Variants in SDK1 observed in about 807,000 individuals in gnomAD.
The protein encoded by SDK1 is sidekick cell adhesion molecule 1, also known as protein sidekick-1.
Under a neutral mutation model 245.5 loss-of-function variants are expected in SDK1, and 157 were observed. The observed-to-expected ratio is 0.64, with a 90% confidence interval of 0.56 to 0.73. The LOEUF (loss-of-function observed/expected upper bound fraction) is 0.73, where lower values mean the gene tolerates loss of function less well. SDK1 is among the 30% of genes least tolerant of loss of function. The pLI is 0.00. For missense variants in SDK1, 3,583 were observed against 3,002.3 expected, an observed-to-expected ratio of 1.19 and a Z score of -4.52; for synonymous variants, 1,647 against 1,278.5, an observed-to-expected ratio of 1.29 and a Z score of -6.15.
chr7:4,245,795 C>T lies in SDK1; in HGVS notation c.6371C>T (p.Ser2124Leu). Residue 2124 changes from serine (S) to leucine (L), a missense_variant, in exon 44 of 45, where the codon TCA becomes TTA. By Grantham distance (145) the Ser-to-Leu change is moderately radical. Transcript: ENST00000404826. The stretch of plus-strand genomic sequence containing the variant: ...CTCAAGGAGAAGTCGGCAGATGCAT[C>T]AGAATCTGAGGTCAGTGTCGGTGCC... ...VSLKEKSADASESEATDSDYE... is the reference protein window; with the variant it reads ...VSLKEKSADALESEATDSDYE... The T allele has an allele frequency of 1.2e-6, 2 of 1,613,942 alleles. No homozygotes were observed. The highest frequency in any genetic ancestry group is 1.7e-6 in the Non-Finnish European group (2 of 1,179,958).
intron 1 of SDK1, among the ~76,000 whole-genome samples, chr7:3,305,426 C>T (rs1009118940): frequency 6.6e-6 from 1 of 152,192 alleles, no homozygotes; most frequent in Non-Finnish European, 1.5e-5. Flanking sequence ...GTCTGGGTCA[C>T]TTTTCTCAGG....
At chr7:4,141,796 G>A (rs903833480) in intron 28 of SDK1, among the ~76,000 whole-genome samples, 18 of 152,168 alleles carry the variant, frequency 1.2e-4, no homozygotes, top group East Asian at 1.9e-4. Context: ...TCGCTCAGTC[G>A]CCCAGGCTGG....
intron 17 of SDK1, among the ~76,000 whole-genome samples, chr7:4,035,790 G>T (rs1788164569): frequency 6.6e-6 from 1 of 152,178 alleles, no homozygotes; most frequent in Non-Finnish European, 1.5e-5. Context: ...ATCATTCCAA[G>T]AAGCAAAGAC....
chr7:4,002,426 C>G (rs1264180824), intron 14 of SDK1, among the ~76,000 whole-genome samples: 3 of 152,190 alleles, frequency 2.0e-5, no homozygotes, highest in Admixed American at 2.0e-4. Context: ...GTCATTCCTT[C>G]CACCAAACTA....
chr7:3,434,256 ATTC>A (rs1345337312), intron 1 of SDK1, among the ~76,000 whole-genome samples: 3 of 152,218 alleles, frequency 2.0e-5, no homozygotes, highest in African/African-American at 7.2e-5. Flanking sequence ...ATGTTTTAAA[ATTC>A]TTCTAATGCA....
rs765200053 is a variant in SDK1, at chr7:4,266,176, C to T, written c.*792C>T. 2.6e-4 allele frequency: 260 copies of T among 985,354 alleles called. No homozygotes were observed. The highest frequency in any genetic ancestry group is 2.8e-4 in the Non-Finnish European group (229 of 829,950). 61.0% of individuals were successfully genotyped at this position (985,354 alleles called of 1,614,324 possible). On this transcript the variant is annotated 3_prime_UTR_variant, in exon 45 of 45. Transcript: ENST00000404826. ...CCCGAACACAGCACACGGTCAACTC[C>T]GCGGGACACGAGGACACGGGACGGC...
chr7:3,689,936 G>T (rs1234019504), intron 4 of SDK1, among the ~76,000 whole-genome samples: 2 of 152,162 alleles, frequency 1.3e-5, no homozygotes, highest in African/African-American at 2.4e-5. Flanking sequence ...AATATTTTCA[G>T]TTTAGAAATA....
chr7:3,462,466 T>C (rs554303990), intron 1 of SDK1, among the ~76,000 whole-genome samples: 1 of 152,224 alleles, frequency 6.6e-6, no homozygotes, highest in African/African-American at 2.4e-5. Flanking sequence ...ATTTCATTCA[T>C]GTACATAGTT....
At chr7:3,686,297 A>T (rs1188754900) in intron 4 of SDK1, among the ~76,000 whole-genome samples, 3 of 152,144 alleles carry the variant, frequency 2.0e-5, no homozygotes, top group Non-Finnish European at 4.4e-5. Flanking sequence ...GCTGGTCTTG[A>T]ACTCCTGACC....
intron 1 of SDK1, among the ~76,000 whole-genome samples, chr7:3,489,752 A>G (rs549667691): frequency 6.6e-6 from 1 of 152,374 alleles, no homozygotes; most frequent in South Asian, 2.1e-4. Context: ...GTTTAACAGC[A>G]TTGTGTGAAT....
At chr7:3,635,892 G>C (rs911490231) in intron 2 of SDK1, among the ~76,000 whole-genome samples, 2 of 152,076 alleles carry the variant, frequency 1.3e-5, no homozygotes, top group African/African-American at 4.8e-5. Context: ...TTTTTGTAGA[G>C]AGACGGTTCT....
chr7:4,000,502 C>G (rs1264798333), intron 14 of SDK1, among the ~76,000 whole-genome samples: 2 of 152,152 alleles, frequency 1.3e-5, no homozygotes, highest in African/African-American at 4.8e-5. Flanking sequence ...AATCTCTGAG[C>G]TGCACGGCTG....
intron 5 of SDK1, among the ~76,000 whole-genome samples, chr7:3,902,371 A>G (rs923889953): frequency 5.0e-4 from 76 of 152,152 alleles, no homozygotes; most frequent in African/African-American, 1.7e-3. Flanking sequence ...ATTCAATCCT[A>G]CAATTCACAC....
chr7:3,969,666 T>C (rs917348661), intron 11 of SDK1, among the ~76,000 whole-genome samples: 3 of 152,230 alleles, frequency 2.0e-5, no homozygotes, highest in Non-Finnish European at 1.5e-5. Flanking sequence ...AAAGATTGAC[T>C]TTGTAAAGTC....
At chr7:3,552,147 T>TC (rs1441901528) in intron 1 of SDK1, among the ~76,000 whole-genome samples, 4 of 152,038 alleles carry the variant, frequency 2.6e-5, no homozygotes, top group African/African-American at 9.7e-5. Flanking sequence ...CATGCCATTC[T>TC]CTGCCTCAGC....
chr7:3,738,138 A>T (rs921267380), intron 4 of SDK1, among the ~76,000 whole-genome samples: 3 of 152,130 alleles, frequency 2.0e-5, no homozygotes, highest in African/African-American at 7.2e-5. Flanking sequence ...CAACATCGTG[A>T]ATCTTCTCTC....
chr7:3,980,763 G>A (rs1783338052), intron 13 of SDK1, among the ~76,000 whole-genome samples: 1 of 152,116 alleles, frequency 6.6e-6, no homozygotes, highest in African/African-American at 2.4e-5. Flanking sequence ...CCAAGATGGC[G>A]AAACCCTGTC....
chr7:3,710,426 T>C (rs1785015851), intron 4 of SDK1, among the ~76,000 whole-genome samples: 1 of 152,242 alleles, frequency 6.6e-6, no homozygotes, highest in Non-Finnish European at 1.5e-5. Flanking sequence ...ATCTGGTTAT[T>C]CTTTATTAAA....
intron 5 of SDK1, among the ~76,000 whole-genome samples, chr7:3,895,110 G>A (rs1343284316): frequency 6.6e-6 from 1 of 152,144 alleles, no homozygotes; most frequent in Non-Finnish European, 1.5e-5. Flanking sequence ...AAGAAGAATA[G>A]CACAAAATAT....
Sources: allele counts gnomAD v4.1 joint callset (sites outside exome capture counted in the v4.1 genomes callset), GRCh38; gene constraint gnomAD v4.1.1; transcripts MANE v1.5; gene names NCBI Gene and HGNC (gene_info 2026-07-23, HGNC 2026-07-21).